Variants in RASGRP3 observed in about 807,000 individuals in gnomAD.
The protein encoded by RASGRP3 is RAS guanyl releasing protein 3.
RASGRP3 carries 54 observed loss-of-function variants against 82.7 expected under a neutral mutation model. That is an observed-to-expected ratio of 0.65 (90% CI 0.52 to 0.82). RASGRP3 has a LOEUF of 0.82. Among genes scored for constraint, RASGRP3 ranks in the 40% least tolerant of loss-of-function variants. The pLI is 0.00. For missense variants in RASGRP3, 861 were observed against 828.9 expected (o/e 1.04, Z -0.48); for synonymous variants, 309 against 300.5 (o/e 1.03, Z -0.29).
At chr2:33,467,978 CTTTTTCTTTCTTTCTT>C (rs767968328) in intron 2 of RASGRP3, among the ~76,000 whole-genome samples, 7,508 of 140,870 alleles carry the variant, frequency 0.053, 306 homozygotes, top group South Asian at 0.13. Context: ...GATGGTGAGG[CTTTTTCTTTCTTTCTT>C]TCTTTCTTTC....
chr2:33,457,134 G>C (rs1003275695), intron 2 of RASGRP3, among the ~76,000 whole-genome samples: 2 of 152,024 alleles, frequency 1.3e-5, no homozygotes, highest in African/African-American at 4.8e-5. Flanking sequence ...GCCTCCCAAA[G>C]TACTGGGGTT....
rs903389611 is a variant in RASGRP3 at position 33,502,235 on chromosome 2, A to G, written c.-260-9475A>G. Among the ~76,000 whole-genome samples, 5 of 152,240 alleles carry G rather than the reference A, an allele frequency of 3.3e-5. No homozygotes were observed. In the South Asian group the frequency reaches 6.2e-4, roughly 19 times the overall value. On this transcript the variant is annotated intron_variant, in intron 1 of 17. Transcript: ENST00000403687. ...AGAAGTGGTAAGACGCATGAACTCT[A>G]GACAGTTACACCAAGGAACTGGTGA...
At chr2:33,547,453 C>G (rs549215398) in intron 13 of RASGRP3, among the ~76,000 whole-genome samples, 5 of 132,528 alleles carry the variant, frequency 3.8e-5, no homozygotes, top group East Asian at 2.4e-4. Context: ...AGAAAGGGAT[C>G]TTAAGTTCTC....
intron 1 of RASGRP3, among the ~76,000 whole-genome samples, chr2:33,441,235 C>T (rs1201578485): frequency 6.6e-6 from 1 of 152,138 alleles, no homozygotes; most frequent in Non-Finnish European, 1.5e-5. Context: ...ATCCTTTGAC[C>T]TATATGTCCC....
intron 1 of RASGRP3, among the ~76,000 whole-genome samples, chr2:33,477,562 C>G (rs780481840): frequency 1.3e-5 from 2 of 152,208 alleles, no homozygotes; most frequent in East Asian, 1.9e-4. Flanking sequence ...ATCCAAATTA[C>G]GGAGAGAACC....
At chr2:33,475,580 C>G (rs113052756), upstream of RASGRP3, among the ~76,000 whole-genome samples, 2,853 of 152,272 alleles carry the variant, frequency 0.019, 105 homozygotes, top group African/African-American at 0.066. Context: ...TGTCATATCT[C>G]TACCTGAAGG....
rs143553257 is a variant in RASGRP3 at position 33,549,085 on chromosome 2, C to T, written c.1395-519C>T. Among the ~76,000 whole-genome samples the T allele has an allele frequency of 3.3e-5, 5 of 152,196 alleles. No individual in the cohort carries two copies. In the East Asian group the frequency reaches 9.7e-4, roughly 29 times the overall value. Reference sequence around the variant, plus strand: ...GAGGTTTGTTCTGTGTGGAGTAGATCTGGAAGAATTGCTCCCAGCCAGTCG... The same window carrying T: ...GAGGTTTGTTCTGTGTGGAGTAGATTTGGAAGAATTGCTCCCAGCCAGTCG... On this transcript the variant is annotated intron_variant, in intron 13 of 17. Coordinates refer to ENST00000403687, the MANE Select transcript of RASGRP3 (RefSeq NM_001139488.2).
At chr2:33,558,408 G>A (rs1448225464) in intron 16 of RASGRP3, 72 bp downstream of exon 16, 8 of 1,606,122 alleles carry the variant, frequency 5.0e-6, no homozygotes, top group Middle Eastern at 4.4e-4. Context: ...CCTCATTTAG[G>A]TTCTGGGTCT....
rs530042082 is a variant in RASGRP3, at chr2:33,525,920, C to T, written c.808-1217C>T. On this transcript the variant is annotated intron_variant, in intron 9 of 17. Coordinates refer to ENST00000403687, the MANE Select transcript of RASGRP3 (RefSeq NM_001139488.2). ...GATCAGACCTCTGACTCAGGTGCTC[C>T]GCCCGCCTCTGAATATCGGAGAGTT... Among the ~76,000 whole-genome samples, 387 of 152,022 alleles carry T rather than the reference C, an allele frequency of 2.5e-3. 1 individual carries two copies. The highest frequency in any genetic ancestry group is 9.0e-3 in the African/African-American group (374 of 41,506).
intron 1 of RASGRP3, among the ~76,000 whole-genome samples, chr2:33,509,559 T>A (rs994761132): frequency 6.6e-6 from 1 of 152,244 alleles, no homozygotes; most frequent in African/African-American, 2.4e-5. Context: ...AACACTTTAG[T>A]CATTGTAAAT....
intron 1 of RASGRP3, among the ~76,000 whole-genome samples, chr2:33,500,304 G>T (rs574413066): frequency 6.1e-4 from 93 of 152,190 alleles, no homozygotes; most frequent in African/African-American, 2.1e-3. Context: ...CAGGAGTTCC[G>T]CAATCAATCT....
At chr2:33,508,719 G>A (rs1670640843) in intron 1 of RASGRP3, among the ~76,000 whole-genome samples, 1 of 152,176 alleles carries the variant, frequency 6.6e-6, no homozygotes, top group South Asian at 2.1e-4. Flanking sequence ...AGAATTATCA[G>A]GATTATTTCT....
At chr2:33,446,900 T>A (rs1356442873) in intron 1 of RASGRP3, among the ~76,000 whole-genome samples, 1 of 151,458 alleles carries the variant, frequency 6.6e-6, no homozygotes, top group Non-Finnish European at 1.5e-5. Context: ...TCCCAGCACT[T>A]TGGGAGGCCG....
intron 4 of RASGRP3, among the ~76,000 whole-genome samples, chr2:33,518,571 G>A (rs1434128542): frequency 6.6e-6 from 1 of 152,038 alleles, no homozygotes; most frequent in Non-Finnish European, 1.5e-5. Flanking sequence ...TTAGCTTACT[G>A]TAACTTTTAT....
At chr2:33,504,686 G>A (rs911136128) in intron 1 of RASGRP3, among the ~76,000 whole-genome samples, 2 of 152,188 alleles carry the variant, frequency 1.3e-5, no homozygotes, top group African/African-American at 4.8e-5. Flanking sequence ...GAGAGATTTT[G>A]TAGTCCAGGC....
In RASGRP3 at chr2:33,558,985, T is replaced by C. The variant is rs1264657124; in HGVS notation, c.2019T>C (p.Phe673=). ...GVDVVDRGTE[F]ELDQDEGEET... Reference sequence around the variant, plus strand: ...ATGTTGTAGACCGGGGCACGGAGTTTGAACTTGACCAGGATGAAGGAGAAG... The same window carrying C: ...ATGTTGTAGACCGGGGCACGGAGTTCGAACTTGACCAGGATGAAGGAGAAG... Residue 673 remains phenylalanine, a synonymous_variant, in exon 17 of 18, where the codon TTT becomes TTC. Transcript: ENST00000403687. 4 of 1,613,704 alleles carry C rather than the reference T, an allele frequency of 2.5e-6. No individual in the cohort carries two copies. Among genetic ancestry groups the C allele is most frequent in the Non-Finnish European group, 3.4e-6 (4 of 1,179,782 alleles).
intron 3 of RASGRP3, 79 bp downstream of exon 3, chr2:33,515,285 T>C (rs1168650887): frequency 4.8e-6 from 7 of 1,473,446 alleles, no homozygotes; most frequent in South Asian, 3.4e-5. Flanking sequence ...AAGTTGCTTG[T>C]AGAACAGAGT....
intron 2 of RASGRP3, among the ~76,000 whole-genome samples, chr2:33,448,401 C>A (rs1446238975): frequency 6.6e-6 from 1 of 152,068 alleles, no homozygotes; most frequent in Non-Finnish European, 1.5e-5. Context: ...CAGACACAAC[C>A]AGACACAACC....
chr2:33,513,737 C>G (rs1480336883), intron 2 of RASGRP3: 1 of 152,200 alleles, frequency 6.6e-6, no homozygotes, highest in Non-Finnish European at 1.5e-5. Context: ...GTATAAGCAA[C>G]TATAAGAGGC....
Sources: allele counts gnomAD v4.1 joint callset (sites outside exome capture counted in the v4.1 genomes callset), GRCh38; gene constraint gnomAD v4.1.1; transcripts MANE v1.5; gene names NCBI Gene and HGNC (gene_info 2026-07-23, HGNC 2026-07-21).